SART3: variants seen among roughly 807,000 people sequenced by gnomAD.
The protein encoded by SART3 is HIV-1 Tat-interacting protein of 110kDa.
Under a neutral mutation model 122.3 loss-of-function variants are expected in SART3, and 44 were observed. That is an observed-to-expected ratio of 0.36 (90% CI 0.28 to 0.46). The LOEUF is 0.46. Among genes scored for constraint, SART3 ranks in the 20% least tolerant of loss-of-function variants. SART3 has a pLI of 1.00. For synonymous variants in SART3, 442 were observed against 454.0 expected (o/e 0.97, Z 0.34); for missense variants, 1,101 against 1,229.0 (o/e 0.90, Z 1.56).
At chr12:108,536,386 G>C (rs1190739685) in intron 11 of SART3, 128 bp downstream of exon 11, 3 of 906,944 alleles carry the variant, frequency 3.3e-6, no homozygotes, top group East Asian at 4.8e-5. Context: ...CCATTACCTA[G>C]GTAATAACAT....
At chr12:108,538,335 C>G in intron 7 of SART3, 132 bp from the exon 8 acceptor site, 1 of 1,040,498 alleles carries the variant, frequency 9.6e-7, no homozygotes, top group East Asian at 2.5e-5. Context: ...GTTTCCTCAA[C>G]AACAACAAAA....
intron 1 of SART3, among the ~76,000 whole-genome samples, chr12:108,556,815 G>T (rs998824915): frequency 1.3e-5 from 2 of 152,194 alleles, no homozygotes; most frequent in African/African-American, 4.8e-5. Flanking sequence ...AACATTCAAG[G>T]CTCTCCCCAC....
At chr12:108,523,997 C>T (rs1160414779) in intron 18 of SART3, 2 of 548,512 alleles carry the variant, frequency 3.6e-6, no homozygotes, top group African/African-American at 3.8e-5. Context: ...GACTGGCACA[C>T]ACATGGGTAT....
At chr12:108,551,319 A>G (rs989618329) in intron 1 of SART3, among the ~76,000 whole-genome samples, 1 of 152,242 alleles carries the variant, frequency 6.6e-6, no homozygotes, top group Non-Finnish European at 1.5e-5. Context: ...TGTAGGAACC[A>G]AAGAGCGCTT....
intron 1 of SART3, among the ~76,000 whole-genome samples, chr12:108,559,431 C>T (rs960916199): frequency 2.6e-5 from 4 of 152,128 alleles, no homozygotes; most frequent in African/African-American, 9.7e-5. Context: ...TACGGGAGGC[C>T]AAGGTGGGTG....
chr12:108,524,246 T>C, intron 18 of SART3, 70 bp downstream of exon 18: 1 of 1,276,326 alleles, frequency 7.8e-7, no homozygotes. Context: ...CCCGGGTTAA[T>C]CCCCCCGTGA....
intron 1 of SART3, among the ~76,000 whole-genome samples, chr12:108,559,400 T>C (rs2030372553): frequency 6.6e-6 from 1 of 152,196 alleles, no homozygotes. Context: ...GCGTAGCGGC[T>C]CACACCTGTA....
intron 14 of SART3, among the ~76,000 whole-genome samples, chr12:108,530,806 C>G (rs1032201197): frequency 6.6e-6 from 1 of 151,676 alleles, no homozygotes; most frequent in Non-Finnish European, 1.5e-5. Context: ...TGCAGTGAGC[C>G]GAGATCATGC....
chr12:108,531,161 AATAGCTACCAG>A, intron 14 of SART3, 32 bp downstream of exon 14: 1 of 1,538,504 alleles, frequency 6.5e-7, no homozygotes, highest in Non-Finnish European at 9.0e-7. Flanking sequence ...ACTGAGCCAA[AATAGCTACCAG>A]AGGTGCCAAA....
At chr12:108,547,194 T>C (rs1288901401) in intron 3 of SART3, among the ~76,000 whole-genome samples, 1 of 152,178 alleles carries the variant, frequency 6.6e-6, no homozygotes, top group Non-Finnish European at 1.5e-5. Flanking sequence ...AGAAAATATT[T>C]AAGACAATTA....
chr12:108,527,444 C>T (rs1458103975), intron 15 of SART3, among the ~76,000 whole-genome samples: 2 of 152,238 alleles, frequency 1.3e-5, no homozygotes, highest in African/African-American at 2.4e-5. Flanking sequence ...TCTTCCCCCA[C>T]AGTCTTCCTG....
chr12:108,533,498 A>C (rs1450770743), intron 12 of SART3, among the ~76,000 whole-genome samples: 1 of 152,142 alleles, frequency 6.6e-6, no homozygotes, highest in Non-Finnish European at 1.5e-5. Flanking sequence ...AACCACGGTC[A>C]GTTACTCAGA....
chr12:108,555,972 A>C (rs1208201697), intron 1 of SART3, among the ~76,000 whole-genome samples: 1 of 152,210 alleles, frequency 6.6e-6, no homozygotes, highest in Admixed American at 6.5e-5. Flanking sequence ...CTGAAGAGAG[A>C]GCCCAAAACA....
At chr12:108,552,243 T>C (rs2030036443) in intron 1 of SART3, among the ~76,000 whole-genome samples, 2 of 152,092 alleles carry the variant, frequency 1.3e-5, no homozygotes, top group African/African-American at 4.8e-5. Flanking sequence ...AGTTGGGATA[T>C]AGGGTTACCT....
Position 108,544,474 on chromosome 12 carries a change from T to G in SART3, c.734A>C (p.Glu245Ala). ...ESAIVEAARL[E>A]KVHSLFRRQL... The stretch of plus-strand genomic sequence containing the variant: ...TCGCCGGAAAAGACTGTGGACTTTC[T>G]CAAGCTGTGAATCAAAGGTTTGTTC... Residue 245 changes from glutamate (E) to alanine (A), a missense_variant, in exon 5 of 19, where the codon GAG becomes GCG. Glu to Ala is a moderately radical substitution (Grantham distance 107, BLOSUM62 -1). This residue lies in a region of SART3 where 885 missense variants were observed against 1,080.1 expected (regional missense o/e 0.82). Transcript: ENST00000546815. 1 of 1,614,220 alleles carries G rather than the reference T, an allele frequency of 6.2e-7. No homozygotes were observed. The highest frequency in any genetic ancestry group is 8.5e-7 in the Non-Finnish European group (1 of 1,180,042).
chr12:108,524,894 AC>A (rs1872302142), intron 17 of SART3: 1 of 334,696 alleles, frequency 3.0e-6, no homozygotes, highest in African/African-American at 2.1e-5. Context: ...CTGTGCCTTC[AC>A]CCGCTCCCTC....
rs1873242158 is a variant in SART3, at chr12:108,543,104, A to G, written c.830T>C (p.Ile277Thr). 6.2e-7 allele frequency: 1 copy of G among 1,614,186 alleles called. No individual in the cohort carries two copies. Among genetic ancestry groups the G allele is most frequent in the Non-Finnish European group, 8.5e-7 (1 of 1,180,022 alleles). The change falls in exon 6 of 19, where the codon ATA (isoleucine) becomes ACA (threonine). Residue 277 changes from isoleucine to threonine, a missense_variant. Physicochemically the swap from Ile to Thr is moderately conservative, Grantham distance 89 (BLOSUM62 -1). Transcript: ENST00000546815. ...AEYEEWSEDP[I>T]PESVIQNYNK... The stretch of plus-strand genomic sequence containing the variant: ...ATAGTTCTGAATTACTGACTCTGGT[A>G]TTGGGTCTTCTGACCATTCTTCATA...
chr12:108,554,880 C>T (rs2030151938), intron 1 of SART3, among the ~76,000 whole-genome samples: 1 of 151,968 alleles, frequency 6.6e-6, no homozygotes, highest in Non-Finnish European at 1.5e-5. Context: ...AACCAAAACT[C>T]ATCTACAAAC....
At chr12:108,526,582 T>A (rs770905913) in intron 15 of SART3, 29 bp from the exon 16 acceptor site, 1 of 1,608,358 alleles carries the variant, frequency 6.2e-7, no homozygotes. Context: ...AAAGTAGCCA[T>A]GGTTAACTGT....
Sources: gnomAD v4.1 joint callset for allele counts (sites outside exome capture counted in the v4.1 genomes callset) on GRCh38, gnomAD v4.1.1 for gene constraint, gnomAD v4.1.1 regional missense constraint, MANE v1.5 for transcripts, NCBI Gene and HGNC (gene_info 2026-07-23, HGNC 2026-07-21) for gene names.